The following HOMER1 variants were observed in gnomAD, a reference collection of about 807,000 sequenced individuals.
HOMER1 encodes the protein homer protein homolog 1.
Under a neutral mutation model 48.9 loss-of-function variants are expected in HOMER1, and 3 were observed. That is an observed-to-expected ratio of 0.06 (90% CI 0.03 to 0.16). The LOEUF (loss-of-function observed/expected upper bound fraction) is 0.16, where lower values mean the gene tolerates loss of function less well. Ranked by LOEUF, HOMER1 falls within the 10% of genes least tolerant of loss-of-function variation. The probability of loss-of-function intolerance (pLI) is 1.00; values close to 1 mark genes in which losing one functional copy is unlikely to be tolerated. For synonymous variants in HOMER1, 134 were observed against 146.4 expected, an observed-to-expected ratio of 0.92 and a Z score of 0.61; for missense variants, 247 against 411.4, an observed-to-expected ratio of 0.60 and a Z score of 3.46.
rs70975748 is a variant in HOMER1 at position 79,379,114 on chromosome 5, A to ATAT, written c.877-2918_877-2917insATA. ...TATATATATATATATATATATATAT[A>ATAT]AAATATATAAATATTTATTTATATA... is the stretch of plus-strand genomic sequence containing the variant. On this transcript the variant is annotated intron_variant, in intron 8 of 8. Coordinates refer to ENST00000334082, the MANE Select transcript of HOMER1 (RefSeq NM_004272.5). Among the ~76,000 whole-genome samples, 100 of 82,198 alleles carry ATAT rather than the reference A, an allele frequency of 1.2e-3. 1 individual carries two copies. Among genetic ancestry groups the ATAT allele is most frequent in the African/African-American group, 1.5e-3 (27 of 18,316 alleles). 53.9% of individuals were successfully genotyped at this position (82,198 alleles called of 152,430 possible). A position where few individuals can be genotyped will look rare whatever the true frequency, so the allele number is the denominator to read the frequency against.
At position 79,373,987 on chromosome 5, in the gene HOMER1, C is replaced by T. The variant is rs999961635; in HGVS notation, c.*2022G>A. On this transcript the variant is annotated 3_prime_UTR_variant, in exon 9 of 9. Transcript: ENST00000334082. ...GTCAAAATTTAAAAATATTTTATTA[C>T]ATCATTAAAATAATTCACTTGCCAT... 6.6e-6 allele frequency: 1 copy of T among 151,844 alleles called. No individual in the cohort carries two copies. The highest frequency in any genetic ancestry group is 2.4e-5 in the African/African-American group (1 of 41,392). 9.4% of individuals were successfully genotyped at this position (151,844 alleles called of 1,614,324 possible). A position where few individuals can be genotyped will look rare whatever the true frequency, so the allele number is the denominator to read the frequency against.
chr5:79,386,881 A>G (rs1350254326), intron 8 of HOMER1, among the ~76,000 whole-genome samples: 1 of 151,960 alleles, frequency 6.6e-6, no homozygotes, highest in Non-Finnish European at 1.5e-5. Context: ...GAATACCACC[A>G]CTGGCACCAG....
chr5:79,417,767 C>T (rs1360022682), intron 5 of HOMER1, among the ~76,000 whole-genome samples: 1 of 152,104 alleles, frequency 6.6e-6, no homozygotes, highest in Non-Finnish European at 1.5e-5. Flanking sequence ...TATTTCCTTG[C>T]AGAGTAGGTC....
intron 1 of HOMER1, among the ~76,000 whole-genome samples, chr5:79,504,063 A>T (rs1340861351): frequency 6.6e-6 from 1 of 152,250 alleles, no homozygotes; most frequent in African/African-American, 2.4e-5. Flanking sequence ...ACAATAGTAA[A>T]ATACTAAATG....
At chr5:79,429,737 A>G (rs1255608317) in intron 5 of HOMER1, among the ~76,000 whole-genome samples, 1 of 152,216 alleles carries the variant, frequency 6.6e-6, no homozygotes, top group Non-Finnish European at 1.5e-5. Context: ...AAAATTTAAA[A>G]CATTGGCTGG....
chr5:79,378,063 T>C (rs1748820307), intron 8 of HOMER1, among the ~76,000 whole-genome samples: 1 of 151,698 alleles, frequency 6.6e-6, no homozygotes, highest in South Asian at 2.1e-4. Flanking sequence ...CTACTAAAAA[T>C]ATAAAAATTA....
chr5:79,448,222 A>G (rs1750935412), intron 3 of HOMER1, among the ~76,000 whole-genome samples: 3 of 152,194 alleles, frequency 2.0e-5, no homozygotes, highest in Admixed American at 2.0e-4. Context: ...TCCAAACAGT[A>G]CAACATCTGA....
At chr5:79,426,640 G>A (rs1041501009) in intron 5 of HOMER1, among the ~76,000 whole-genome samples, 6 of 152,110 alleles carry the variant, frequency 3.9e-5, no homozygotes, top group Admixed American at 3.9e-4. Context: ...CAGAAGTTGG[G>A]AAGGGTAGTG....
At chr5:79,389,809 T>C (rs1214780820) in intron 8 of HOMER1, among the ~76,000 whole-genome samples, 1 of 152,188 alleles carries the variant, frequency 6.6e-6, no homozygotes, top group Admixed American at 6.5e-5. Context: ...AAACATTTAA[T>C]ATATTTAATG....
chr5:79,478,749 C>T (rs1407679355), intron 1 of HOMER1, among the ~76,000 whole-genome samples: 1 of 152,052 alleles, frequency 6.6e-6, no homozygotes, highest in Non-Finnish European at 1.5e-5. Context: ...GTCAGGAGTT[C>T]GAGACCAGCC....
At chr5:79,434,238 T>C (rs773491702) in intron 5 of HOMER1, among the ~76,000 whole-genome samples, 9 of 152,148 alleles carry the variant, frequency 5.9e-5, no homozygotes, top group Non-Finnish European at 8.8e-5. Context: ...TGAAAACTTT[T>C]AGTTTTCAGT....
chr5:79,382,078 C>T (rs2112191531), intron 8 of HOMER1, among the ~76,000 whole-genome samples: 1 of 152,080 alleles, frequency 6.6e-6, no homozygotes, highest in African/African-American at 2.4e-5. Context: ...TTTCAGAACT[C>T]AAAGACAAGT....
chr5:79,451,808 G>A (rs567799680), intron 2 of HOMER1, among the ~76,000 whole-genome samples: 42 of 151,794 alleles, frequency 2.8e-4, no homozygotes, highest in South Asian at 1.0e-3. Context: ...TGATCTGCCC[G>A]CCTCGGCCTC....
chr5:79,434,333 CTATTAT>C, intron 5 of HOMER1, among the ~76,000 whole-genome samples: 1 of 150,492 alleles, frequency 6.6e-6, no homozygotes, highest in Admixed American at 6.6e-5. Flanking sequence ...TTAAAAAAAT[CTATTAT>C]TATTTATTAA....
At chr5:79,495,580 T>G (rs1752397971) in intron 1 of HOMER1, among the ~76,000 whole-genome samples, 1 of 152,236 alleles carries the variant, frequency 6.6e-6, no homozygotes, top group South Asian at 2.1e-4. Context: ...ACGACACAAA[T>G]TAAGTGCTTA....
chr5:79,483,317 C>T (rs1013298622), intron 1 of HOMER1, among the ~76,000 whole-genome samples: 7 of 152,002 alleles, frequency 4.6e-5, no homozygotes, highest in African/African-American at 1.7e-4. Context: ...GTCAACCTAA[C>T]GATTTTCTAC....
intron 1 of HOMER1, among the ~76,000 whole-genome samples, chr5:79,457,752 C>A (rs1025275687): frequency 6.6e-6 from 1 of 152,144 alleles, no homozygotes; most frequent in Admixed American, 6.6e-5. Context: ...AGGAACATGA[C>A]ACAGTATTTT....
intron 5 of HOMER1, among the ~76,000 whole-genome samples, chr5:79,424,012 G>C (rs1266239767): frequency 6.6e-6 from 1 of 151,986 alleles, no homozygotes; most frequent in East Asian, 1.9e-4. Context: ...AATTTTATTA[G>C]GTTCAGAACA....
intron 5 of HOMER1, among the ~76,000 whole-genome samples, chr5:79,423,510 T>G (rs1354496065): frequency 6.6e-6 from 1 of 152,214 alleles, no homozygotes; most frequent in Non-Finnish European, 1.5e-5. Context: ...TTTAATTATG[T>G]GTGTGCATAA....
Sources: gnomAD v4.1 joint callset for allele counts (sites outside exome capture counted in the v4.1 genomes callset) on GRCh38, gnomAD v4.1.1 for gene constraint, MANE v1.5 for transcripts, NCBI Gene and HGNC (gene_info 2026-07-23, HGNC 2026-07-21) for gene names.